CTPS2: variants seen among roughly 807,000 people sequenced by gnomAD.
The protein encoded by CTPS2 is CTP synthase II.
In CTPS2, 19 loss-of-function variants were observed where a neutral mutation model predicts 46.8. The observed-to-expected ratio is 0.41, with a 90% CI of 0.28 to 0.60. CTPS2 has a LOEUF of 0.60. CTPS2 is among the 20% of genes least tolerant of loss of function. The pLI is 0.35. For missense variants in CTPS2, 286 were observed against 447.6 expected (o/e 0.64, Z 3.26); for synonymous variants, 151 against 165.2 (o/e 0.91, Z 0.66).
Position 16,639,160 on chromosome X carries a change from T to C in CTPS2, c.1380A>G (p.Glu460=). Residue 460 remains glutamate (E), a synonymous_variant, in exon 14 of 19, where the codon GAA becomes GAG. Coordinates refer to ENST00000359276, the MANE Select transcript of CTPS2 (RefSeq NM_175859.3). ...LGIRRTVFKT[E]NSILRKLYGD... is the part of the protein sequence containing the mutation. ...TGGGAAACTTACTTAATATTGAATT[T>C]TCAGTTTTGAAAACAGTTCTTCTTA... 8.3e-7 allele frequency: 1 copy of C among 1,199,360 alleles called. No homozygotes were observed. The highest frequency in any genetic ancestry group is 1.1e-6 in the Non-Finnish European group (1 of 884,258).
intron 10 of CTPS2, among the ~76,000 whole-genome samples, chrX:16,676,788 G>A (rs761207712): frequency 1.9e-3 from 208 of 111,681 alleles, no homozygotes; most frequent in African/African-American, 6.7e-3. Flanking sequence ...AGGGCTGGGC[G>A]TGGTGGCTCA....
chrX:16,702,352 C>T (rs1924653984), intron 2 of CTPS2, among the ~76,000 whole-genome samples: 1 of 112,334 alleles, frequency 8.9e-6, no homozygotes, highest in Admixed American at 9.5e-5. Context: ...CCGCACTGGG[C>T]CTTATAAAAA....
intron 14 of CTPS2, among the ~76,000 whole-genome samples, chrX:16,624,024 G>T (rs780601663): frequency 9.2e-6 from 1 of 108,441 alleles, no homozygotes; most frequent in Non-Finnish European, 1.9e-5. Flanking sequence ...AGCCAGGATG[G>T]TCTCTATCTC....
chrX:16,654,680 T>A (rs1361708094), intron 13 of CTPS2: 1 of 314,162 alleles, frequency 3.2e-6, no homozygotes, highest in African/African-American at 2.7e-5. Flanking sequence ...CCTTACTTTG[T>A]TAAGTACTGA....
chrX:16,710,842 C>T (rs1444737327), intron 1 of CTPS2, among the ~76,000 whole-genome samples: 5 of 112,210 alleles, frequency 4.5e-5, no homozygotes, highest in Non-Finnish European at 9.4e-5. Flanking sequence ...TGGTCTTGAT[C>T]TCTTGACCTC....
chrX:16,702,981 T>A, intron 1 of CTPS2, 40 bp from the exon 2 acceptor site: 1 of 910,253 alleles, frequency 1.1e-6, no homozygotes, highest in Non-Finnish European at 1.5e-6. Flanking sequence ...AAGAGAAATA[T>A]TTAAAACTAG....
intron 8 of CTPS2, among the ~76,000 whole-genome samples, chrX:16,688,473 G>A (rs1192870093): frequency 9.6e-6 from 1 of 104,120 alleles, no homozygotes; most frequent in African/African-American, 3.6e-5. Flanking sequence ...GTCTCGCTAT[G>A]TTGCTCAGGC....
chrX:16,682,395 G>C (rs1677497339), intron 9 of CTPS2, among the ~76,000 whole-genome samples: 1 of 112,116 alleles, frequency 8.9e-6, no homozygotes, highest in African/African-American at 3.2e-5. Context: ...TGAGGCACAA[G>C]AATTGCTGGA....
chrX:16,591,745 G>A (rs762145265), intron 17 of CTPS2, among the ~76,000 whole-genome samples: 30 of 110,657 alleles, frequency 2.7e-4, no homozygotes, highest in Non-Finnish European at 5.3e-4. Flanking sequence ...ATAACACCCC[G>A]GAAGGATTTT....
chrX:16,670,989 G>A (rs751750323), intron 10 of CTPS2, among the ~76,000 whole-genome samples: 1 of 112,045 alleles, frequency 8.9e-6, no homozygotes, highest in South Asian at 3.7e-4. Flanking sequence ...AATGAAAATA[G>A]GTTAAGGTTC....
intron 14 of CTPS2, among the ~76,000 whole-genome samples, chrX:16,634,366 T>A (rs919724756): frequency 6.2e-5 from 7 of 112,010 alleles, no homozygotes; most frequent in Non-Finnish European, 1.3e-4. Context: ...TTCCTCAAAA[T>A]GTCTCATTTC....
chrX:16,657,944 G>A (rs186607240), intron 13 of CTPS2, among the ~76,000 whole-genome samples: 111 of 111,848 alleles, frequency 9.9e-4, no homozygotes, highest in Non-Finnish European at 1.4e-3. Context: ...AGTGGCTCAC[G>A]CCTGTAATCC....
intron 1 of CTPS2, among the ~76,000 whole-genome samples, chrX:16,704,476 A>G (rs1924838026): frequency 8.9e-6 from 1 of 112,166 alleles, no homozygotes; most frequent in Non-Finnish European, 1.9e-5. Context: ...GAGATAGTAA[A>G]AAGATCAGTG....
chrX:16,687,722 G>GA (rs1785473291), intron 8 of CTPS2, among the ~76,000 whole-genome samples: 1 of 110,495 alleles, frequency 9.1e-6, no homozygotes, highest in African/African-American at 3.3e-5. Context: ...ACTTGCCCCA[G>GA]AAAATCTAAA....
chrX:16,662,649 C>T (rs1932992962), intron 13 of CTPS2, among the ~76,000 whole-genome samples: 1 of 109,594 alleles, frequency 9.1e-6, no homozygotes. Context: ...GCTTAAGTAA[C>T]TCTGCAGGCT....
intron 10 of CTPS2, among the ~76,000 whole-genome samples, chrX:16,671,308 G>A (rs1401569110): frequency 9.0e-6 from 1 of 110,565 alleles, no homozygotes; most frequent in Non-Finnish European, 1.9e-5. Flanking sequence ...TGTCAATGGA[G>A]CAGCTATTCT....
At chrX:16,671,885 G>A (rs4831049) in intron 10 of CTPS2, among the ~76,000 whole-genome samples, 55,869 of 109,800 alleles carry the variant, frequency 0.51, 11,087 homozygotes, top group African/African-American at 0.72. Flanking sequence ...AAGGAAAATC[G>A]TCTGTGTGCA....
intron 10 of CTPS2, among the ~76,000 whole-genome samples, chrX:16,673,774 T>G (rs1921976906): frequency 8.9e-6 from 1 of 111,945 alleles, no homozygotes; most frequent in African/African-American, 3.2e-5. Flanking sequence ...TATTAGGTTT[T>G]CTCAATGCTT....
chrX:16,609,707 T>A (rs1231574840), intron 16 of CTPS2, 22 bp from the exon 17 acceptor site: 5 of 1,193,970 alleles, frequency 4.2e-6, no homozygotes, highest in Non-Finnish European at 4.5e-6. Flanking sequence ...ACAATCACGA[T>A]GCGATTAAAG....
Sources: allele counts gnomAD v4.1 joint callset (sites outside exome capture counted in the v4.1 genomes callset), GRCh38; gene constraint gnomAD v4.1.1; transcripts MANE v1.5; gene names NCBI Gene and HGNC (gene_info 2026-07-23, HGNC 2026-07-21).